Variants in EFHD1 observed in about 807,000 individuals in gnomAD.
EFHD1 encodes the protein EF-hand domain family member D1.
EFHD1 carries 10 observed loss-of-function variants against 17.2 expected under a neutral mutation model. That is an observed-to-expected ratio of 0.58 (90% CI 0.36 to 0.99). EFHD1 has a LOEUF of 0.99. Among genes scored for constraint, EFHD1 ranks in the 50% least tolerant of loss-of-function variants. The pLI is 0.01. For synonymous variants in EFHD1, 153 were observed against 142.0 expected (o/e 1.08, Z -0.55); for missense variants, 310 against 327.5 (o/e 0.95, Z 0.41).
At chr2:232,658,128 C>T (rs530842159) in intron 1 of EFHD1, among the ~76,000 whole-genome samples, 1 of 152,014 alleles carries the variant, frequency 6.6e-6, no homozygotes, top group Non-Finnish European at 1.5e-5. Flanking sequence ...GTCTCGAACT[C>T]CTGACCTCAG....
At chr2:232,667,621 C>A (rs1694992460) in intron 2 of EFHD1, among the ~76,000 whole-genome samples, 1 of 151,928 alleles carries the variant, frequency 6.6e-6, no homozygotes, top group African/African-American at 2.4e-5. Context: ...GGTGCAATCT[C>A]ACCTCACTGC....
intron 1 of EFHD1, among the ~76,000 whole-genome samples, chr2:232,651,687 TGGC>T (rs1694657111): frequency 1.3e-5 from 2 of 152,230 alleles, no homozygotes; most frequent in African/African-American, 2.4e-5. Flanking sequence ...CTAGGCGTGG[TGGC>T]AGGGTCCTGT....
chr2:232,677,014 A>G (rs571256082), intron 3 of EFHD1, among the ~76,000 whole-genome samples: 1 of 151,648 alleles, frequency 6.6e-6, no homozygotes, highest in South Asian at 2.1e-4. Flanking sequence ...ACAAAACAAA[A>G]CAAAACAAAA....
intron 3 of EFHD1, among the ~76,000 whole-genome samples, chr2:232,679,565 A>C (rs1695236898): frequency 6.6e-6 from 1 of 151,788 alleles, no homozygotes; most frequent in Non-Finnish European, 1.5e-5. Context: ...AAATTGAAAA[A>C]ATTAGCCTAT....
At chr2:232,620,533 G>T (rs1694001931) in intron 1 of EFHD1, among the ~76,000 whole-genome samples, 1 of 151,716 alleles carries the variant, frequency 6.6e-6, no homozygotes. Context: ...CTACAGGTGT[G>T]TGCCATCACT....
intron 3 of EFHD1, among the ~76,000 whole-genome samples, chr2:232,680,667 C>T (rs1695262745): frequency 6.6e-6 from 1 of 152,086 alleles, no homozygotes; most frequent in South Asian, 2.1e-4. Flanking sequence ...CGTCACCATA[C>T]CTGGCTAATT....
At chr2:232,609,451 T>C (rs1425493754) in intron 1 of EFHD1, among the ~76,000 whole-genome samples, 1 of 152,230 alleles carries the variant, frequency 6.6e-6, no homozygotes, top group Non-Finnish European at 1.5e-5. Context: ...AAATTTTCAC[T>C]TCAATTATTT....
upstream of EFHD1, among the ~76,000 whole-genome samples, chr2:232,628,819 C>G (rs1694151908): frequency 6.6e-6 from 1 of 152,212 alleles, no homozygotes; most frequent in African/African-American, 2.4e-5. Flanking sequence ...TATGCTCCCT[C>G]CCCTTTGTCA....
At position 232,625,253 on chromosome 2, in the gene EFHD1, G is replaced by A. The variant is rs925874151; in HGVS notation, c.14+19080G>A. ...AAGCAATCCTCCCACCTCAGCCTCC[G>A]GAGTAGCTGGGACTACAGGAACGCA... On this transcript the variant is annotated intron_variant, in intron 1 of 3. Coordinates refer to the EFHD1 transcript ENST00000409613. Among the ~76,000 whole-genome samples the A allele has an allele frequency of 5.9e-5, 9 of 151,936 alleles. No homozygotes were observed. The South Asian group carries it at 1.0e-3, about 18-fold the overall frequency.
upstream of EFHD1, among the ~76,000 whole-genome samples, chr2:232,629,786 T>TAAA (rs1263779442): frequency 4.6e-5 from 7 of 152,028 alleles, no homozygotes; most frequent in Non-Finnish European, 1.0e-4. Flanking sequence ...AATGAGAATT[T>TAAA]AAAAAATGAA....
chr2:232,632,697 C>T (rs1694225486), upstream of EFHD1, among the ~76,000 whole-genome samples: 1 of 152,212 alleles, frequency 6.6e-6, no homozygotes, highest in East Asian at 1.9e-4. Context: ...CTGACCATGG[C>T]TCGTTGCAGC....
Position 232,633,772 on chromosome 2 carries a change from G to A in EFHD1, c.68G>A (p.Gly23Asp). ...CGGCGCGAGGAGGCCGAGGAGAGTG[G>A]CCCCCAGCTGGCTCCCCTCGGCGCC... The part of the protein sequence containing the change: ...RLRREEAEES[G>D]PQLAPLGAPA... Residue 23 changes from glycine (G) to aspartate (D), a missense_variant, in exon 1 of 4, where the codon GGC (glycine) becomes GAC (aspartate). Transcript: ENST00000264059. The A allele has an allele frequency of 6.8e-7, 1 of 1,462,852 alleles. No individual in the cohort carries two copies. The highest frequency in any genetic ancestry group is 1.3e-5 in the South Asian group (1 of 76,006). 90.6% of individuals were successfully genotyped at this position (1,462,852 alleles called of 1,614,324 possible).
intron 1 of EFHD1, chr2:232,606,276 G>C: frequency 7.2e-7 from 1 of 1,395,560 alleles, no homozygotes; most frequent in Non-Finnish European, 1.0e-6. Flanking sequence ...GGTAATTCCT[G>C]GCTTTCGCCA....
At chr2:232,651,558 C>G (rs188569189) in intron 1 of EFHD1, among the ~76,000 whole-genome samples, 1 of 152,216 alleles carries the variant, frequency 6.6e-6, no homozygotes, top group Non-Finnish European at 1.5e-5. Context: ...GGAGGCTGAG[C>G]CCCTCACTCC....
intron 1 of EFHD1, chr2:232,606,617 G>C (rs1693717626): frequency 1.0e-5 from 2 of 199,122 alleles, no homozygotes; most frequent in Admixed American, 1.0e-4. Flanking sequence ...ACCGGGCGCG[G>C]TGGCTCAGCC....
intron 3 of EFHD1, among the ~76,000 whole-genome samples, chr2:232,680,438 C>T (rs1695257157): frequency 6.6e-6 from 1 of 152,098 alleles, no homozygotes. Context: ...ATTCCATTCA[C>T]AATACCAACA....
At chr2:232,627,030 CTCTCTCTATA>C (rs1217903718) in intron 1 of EFHD1, among the ~76,000 whole-genome samples, 2 of 60,956 alleles carry the variant, frequency 3.3e-5, no homozygotes, top group Non-Finnish European at 6.2e-5. Context: ...CTCTCTCTCT[CTCTCTCTATA>C]TATATATATA....
chr2:232,646,338 C>T (rs1475737360), intron 1 of EFHD1, among the ~76,000 whole-genome samples: 1 of 151,954 alleles, frequency 6.6e-6, no homozygotes, highest in Non-Finnish European at 1.5e-5. Context: ...ATGGCCCCCA[C>T]AGCCTCTCTC....
chr2:232,635,972 T>C (rs780953932), intron 1 of EFHD1, among the ~76,000 whole-genome samples: 1 of 152,164 alleles, frequency 6.6e-6, no homozygotes, highest in African/African-American at 2.4e-5. Flanking sequence ...ATAATTTGGC[T>C]GAGGAAACCA....
Sources: gnomAD v4.1 joint callset for allele counts (sites outside exome capture counted in the v4.1 genomes callset) on GRCh38, gnomAD v4.1.1 for gene constraint, MANE v1.5 for transcripts, NCBI Gene and HGNC (gene_info 2026-07-23, HGNC 2026-07-21) for gene names.